TMEM117: variants seen among roughly 807,000 people sequenced by gnomAD.
TMEM117 encodes transmembrane protein 117.
Under a neutral mutation model 52.4 loss-of-function variants are expected in TMEM117, and 27 were observed. That is an observed-to-expected ratio of 0.51 (90% CI 0.38 to 0.71). The LOEUF (loss-of-function observed/expected upper bound fraction) is 0.71, where lower values mean the gene tolerates loss of function less well. Ranked by LOEUF, TMEM117 falls within the 30% of genes least tolerant of loss-of-function variation. The pLI is 0.00. For missense variants in TMEM117, 556 were observed against 630.5 expected (o/e 0.88, Z 1.26); for synonymous variants, 215 against 206.3 (o/e 1.04, Z -0.36).
chr12:43,805,229 G>A, the TMEM117 span, among the ~76,000 whole-genome samples: 1 of 152,150 alleles, frequency 6.6e-6, no homozygotes, highest in Admixed American at 6.5e-5. Flanking sequence ...ATGTAAGTAG[G>A]TAGTGCTTGC....
chr12:43,932,208 A>T (rs965863250), intron 2 of TMEM117, among the ~76,000 whole-genome samples: 9 of 151,996 alleles, frequency 5.9e-5, no homozygotes, highest in African/African-American at 1.9e-4. Flanking sequence ...TAGATTTTTT[A>T]AATCTTAGGA....
intron 3 of TMEM117, among the ~76,000 whole-genome samples, chr12:44,028,866 C>G (rs1339793940): frequency 3.3e-5 from 5 of 152,152 alleles, no homozygotes; most frequent in Admixed American, 6.5e-5. Flanking sequence ...ATTGGAACTC[C>G]TTTCTTGTAA....
chr12:44,336,585 G>A (rs186540545), intron 6 of TMEM117, among the ~76,000 whole-genome samples: 2 of 152,032 alleles, frequency 1.3e-5, no homozygotes, highest in Admixed American at 1.3e-4. Flanking sequence ...GATTAATGAA[G>A]CTTTATGGGA....
At chr12:43,906,446 G>T (rs973757523) in intron 2 of TMEM117, among the ~76,000 whole-genome samples, 1 of 143,044 alleles carries the variant, frequency 7.0e-6, no homozygotes, top group African/African-American at 2.5e-5. Context: ...CTGGGTGAGG[G>T]AGTGAGACGC....
intron 6 of TMEM117, among the ~76,000 whole-genome samples, chr12:44,374,968 T>C (rs1951920877): frequency 1.3e-5 from 2 of 152,082 alleles, no homozygotes; most frequent in South Asian, 2.1e-4. Context: ...AAGCATAATT[T>C]TTCATGAGTT....
intron 3 of TMEM117, among the ~76,000 whole-genome samples, chr12:43,953,434 C>T (rs898074134): frequency 6.6e-6 from 1 of 151,992 alleles, no homozygotes; most frequent in Non-Finnish European, 1.5e-5. Flanking sequence ...CACATAGACT[C>T]AAAATAAGGG....
At chr12:44,172,684 T>A (rs1314591845) in intron 4 of TMEM117, among the ~76,000 whole-genome samples, 1 of 152,226 alleles carries the variant, frequency 6.6e-6, no homozygotes, top group African/African-American at 2.4e-5. Context: ...CATGTGTTTT[T>A]AATTTCAGCA....
intron 3 of TMEM117, among the ~76,000 whole-genome samples, chr12:44,033,799 T>C (rs1034303612): frequency 8.5e-5 from 13 of 152,256 alleles, no homozygotes; most frequent in African/African-American, 3.1e-4. Context: ...ATGCTTTTAA[T>C]ATAATGTGCC....
At chr12:44,348,747 G>A (rs1951524406) in intron 6 of TMEM117, among the ~76,000 whole-genome samples, 1 of 151,960 alleles carries the variant, frequency 6.6e-6, no homozygotes, top group Admixed American at 6.6e-5. Context: ...TTTGGGTAAT[G>A]GGTAGTGATG....
chr12:44,295,173 T>TACAGAAAG (rs1950752261), intron 5 of TMEM117, among the ~76,000 whole-genome samples: 2 of 152,206 alleles, frequency 1.3e-5, no homozygotes, highest in South Asian at 4.2e-4. Context: ...TACCCATAGG[T>TACAGAAAG]TAGTATGCTC....
chr12:43,954,718 T>C (rs1230927153), intron 3 of TMEM117, among the ~76,000 whole-genome samples: 1 of 152,150 alleles, frequency 6.6e-6, no homozygotes, highest in Non-Finnish European at 1.5e-5. Context: ...GAGGAGCTGG[T>C]ACCATTTCTT....
intron 3 of TMEM117, among the ~76,000 whole-genome samples, chr12:44,079,018 T>G (rs1474651513): frequency 1.3e-5 from 2 of 152,054 alleles, no homozygotes; most frequent in Non-Finnish European, 2.9e-5. Flanking sequence ...CAGCTTCATC[T>G]ATGTCCCTGC....
chr12:43,973,852 A>G (rs1280556008), intron 3 of TMEM117, among the ~76,000 whole-genome samples: 2 of 152,230 alleles, frequency 1.3e-5, no homozygotes, highest in African/African-American at 4.8e-5. Context: ...TCAGGATCAT[A>G]ACCCATTTTC....
chr12:44,316,879 CA>C (rs1951061204), intron 6 of TMEM117, among the ~76,000 whole-genome samples: 1 of 151,812 alleles, frequency 6.6e-6, no homozygotes, highest in Non-Finnish European at 1.5e-5. Flanking sequence ...ATAAAACCTT[CA>C]ATTGTATTTT....
At chr12:44,153,233 A>G (rs1321875124) in intron 4 of TMEM117, among the ~76,000 whole-genome samples, 2 of 152,056 alleles carry the variant, frequency 1.3e-5, no homozygotes, top group Non-Finnish European at 2.9e-5. Flanking sequence ...CCCTTGCCCA[A>G]GGTGACACAG....
At chr12:43,993,394 G>C (rs1565784116) in intron 3 of TMEM117, among the ~76,000 whole-genome samples, 1 of 152,144 alleles carries the variant, frequency 6.6e-6, no homozygotes, top group African/African-American at 2.4e-5. Flanking sequence ...ATTATCACTT[G>C]TACTATATGC....
At chr12:43,956,801 G>T (rs1230273896) in intron 3 of TMEM117, among the ~76,000 whole-genome samples, 1 of 151,998 alleles carries the variant, frequency 6.6e-6, no homozygotes, top group African/African-American at 2.4e-5. Context: ...CCCATTACTG[G>T]GTATATACCC....
At chr12:44,378,658 T>A (rs1055535412) in intron 7 of TMEM117, among the ~76,000 whole-genome samples, 5 of 152,204 alleles carry the variant, frequency 3.3e-5, no homozygotes, top group Non-Finnish European at 7.3e-5. Flanking sequence ...TTAATCTGGT[T>A]TGCCCGAAGG....
At chr12:44,124,541 G>T (rs1948291080) in intron 3 of TMEM117, among the ~76,000 whole-genome samples, 1 of 152,140 alleles carries the variant, frequency 6.6e-6, no homozygotes, top group African/African-American at 2.4e-5. Context: ...CTGTGGGTTT[G>T]TCATAAATGG....
Sources: allele counts gnomAD v4.1 joint callset (sites outside exome capture counted in the v4.1 genomes callset), GRCh38; gene constraint gnomAD v4.1.1; transcripts MANE v1.5; gene names NCBI Gene and HGNC (gene_info 2026-07-23, HGNC 2026-07-21).